CMTM4: variants seen among roughly 807,000 people sequenced by gnomAD.
CMTM4 encodes CKLF-like MARVEL transmembrane domain-containing protein 4.
A neutral mutation model predicts 19.0 loss-of-function variants in CMTM4; 8 were observed. The ratio of observed to expected loss-of-function variants is 0.42; its 90% CI spans 0.25 to 0.76. The LOEUF (loss-of-function observed/expected upper bound fraction) is 0.76. Among genes scored for constraint, CMTM4 ranks in the 30% least tolerant of loss-of-function variants. CMTM4 has a pLI of 0.27. For synonymous variants in CMTM4, 106 were observed against 121.1 expected, an observed-to-expected ratio of 0.88 and a Z score of 0.82; for missense variants, 228 against 290.2, an observed-to-expected ratio of 0.79 and a Z score of 1.56.
intron 1 of CMTM4, among the ~76,000 whole-genome samples, chr16:66,674,449 G>C (rs2016768525): frequency 6.6e-6 from 1 of 152,130 alleles, no homozygotes; most frequent in South Asian, 2.1e-4. Flanking sequence ...CACCCAGACA[G>C]GGACAACTAC....
the CMTM4 span, chr16:66,609,244 T>G: frequency 1.7e-6 from 1 of 599,298 alleles, no homozygotes; most frequent in Admixed American, 2.9e-5. The surrounding 1 kb of genome is among the most constrained non-coding windows in gnomAD (Gnocchi z 4.4). Context: ...TAGGGCAGTG[T>G]CAGCTGCTGG....
Position 66,619,657 on chromosome 16 carries a change from T to G in CMTM4, c.*2401A>C, listed in dbSNP as rs2015592774. On this transcript the variant is annotated 3_prime_UTR_variant, in exon 4 of 4. Transcript: ENST00000394106. ...TGGATAACCCTATTCCCTCCAGAAC[T>G]TTCGTCACCACGTGGTCTATACATG... The G allele has an allele frequency of 4.1e-6, 4 of 985,322 alleles. No homozygotes were observed. The highest frequency in any genetic ancestry group is 1.7e-5 in the African/African-American group (1 of 57,318). The allele number at this position is 985,322 out of a possible 1,614,324, so 61.0% of individuals were successfully genotyped here. A position where few individuals can be genotyped will look rare whatever the true frequency, so the allele number is the denominator to read the frequency against.
At chr16:66,639,940 C>T (rs955480541) in intron 1 of CMTM4, among the ~76,000 whole-genome samples, 48 of 152,154 alleles carry the variant, frequency 3.2e-4, no homozygotes, top group African/African-American at 1.1e-3. Context: ...ATCCCTTGAA[C>T]CTGGGAGGCG....
chr16:66,635,814 G>A lies in CMTM4; in HGVS notation c.363+591C>T, dbSNP rs1194733223. Reference sequence around the variant, plus strand: ...ACAGTAAGGACACAGTCTAGGAAAGGGGGTCTAGGACTGACCAGCCCTGTG... The same window carrying A: ...ACAGTAAGGACACAGTCTAGGAAAGAGGGTCTAGGACTGACCAGCCCTGTG... On this transcript the variant is annotated intron_variant, in intron 2 of 3. Coordinates refer to ENST00000394106, the MANE Select transcript of CMTM4 (RefSeq NM_181521.3). Among the ~76,000 whole-genome samples, 3 of 152,150 alleles carry A rather than the reference G, an allele frequency of 2.0e-5. No individual in the cohort carries two copies. In the East Asian group the frequency reaches 5.8e-4, roughly 29 times the overall value.
rs1181791526 is a variant in CMTM4, at chr16:66,683,163, ATATATATATATACATATG to A, written c.186+13159_186+13176del. Among the ~76,000 whole-genome samples the A allele has an allele frequency of 6.2e-4, 59 of 95,438 alleles. 1 individual carries two copies. Among genetic ancestry groups the A allele is most frequent in the South Asian group, 3.4e-3 (8 of 2,364 alleles). 62.6% of individuals were successfully genotyped at this position (95,438 alleles called of 152,430 possible). On this transcript the variant is annotated intron_variant, in intron 1 of 3. Transcript: ENST00000394106. Reference sequence around the variant, plus strand: ...TATATATATGTATATATATATACGTATATATATATATACATATGTATATATATATACATATATATATAT... The same window carrying A: ...TATATATATGTATATATATATACGTATATATATATATACATATATATATAT...
chr16:66,617,766 C>A lies in CMTM4; in HGVS notation c.*4292G>T, dbSNP rs1384830799. 8.0e-6 allele frequency: 8 copies of A among 1,004,092 alleles called. No homozygotes were observed. In the East Asian group the frequency reaches 7.4e-4, roughly 92 times the overall value. The allele number at this position is 1,004,092 out of a possible 1,614,324, so 62.2% of individuals were successfully genotyped here. The stretch of plus-strand genomic sequence containing the variant: ...CCTGCGTCCTGTCTGAGATGGCAGC[C>A]AAGCCAGCTTCAGAGTCACCTGCTG... On this transcript the variant is annotated 3_prime_UTR_variant, in exon 4 of 4. Transcript: ENST00000394106.
rs1555499102 is a variant in CMTM4, at chr16:66,633,114, T to TAA, written c.363+3290_363+3291insTT. On this transcript the variant is annotated intron_variant, in intron 2 of 3. Transcript: ENST00000394106. ...ATATATATATATAAATATATATATA[T>TAA]ATAAATATATATATATAAATATATA... Among the ~76,000 whole-genome samples the TAA allele has an allele frequency of 1.1e-3, 81 of 76,072 alleles. 5 individuals are homozygous for TAA. The highest frequency in any genetic ancestry group is 2.7e-3 in the African/African-American group (75 of 28,148). 49.9% of individuals were successfully genotyped at this position (76,072 alleles called of 152,430 possible). A position where few individuals can be genotyped will look rare whatever the true frequency, so the allele number is the denominator to read the frequency against.
chr16:66,624,184 C>G (rs1333027604), intron 2 of CMTM4, among the ~76,000 whole-genome samples: 1 of 152,208 alleles, frequency 6.6e-6, no homozygotes, highest in African/African-American at 2.4e-5. Context: ...AATGTACCCC[C>G]TTCCTCCCAG....
intron 1 of CMTM4, among the ~76,000 whole-genome samples, chr16:66,693,371 C>T (rs926753426): frequency 6.6e-6 from 1 of 152,228 alleles, no homozygotes; most frequent in Non-Finnish European, 1.5e-5. Context: ...AGTCCCCCCA[C>T]CTCAGCTTCC....
intron 1 of CMTM4, among the ~76,000 whole-genome samples, chr16:66,670,973 A>G (rs541690963): frequency 1.6e-4 from 24 of 152,292 alleles, no homozygotes; most frequent in Admixed American, 9.8e-4. Flanking sequence ...TGAGGAGAAC[A>G]CCAGTATTTT....
chr16:66,680,158 G>A (rs929079883), intron 1 of CMTM4, among the ~76,000 whole-genome samples: 1 of 152,146 alleles, frequency 6.6e-6, no homozygotes. Flanking sequence ...TTAATGTACT[G>A]TAAACTAAAA....
intron 1 of CMTM4, among the ~76,000 whole-genome samples, chr16:66,657,730 A>G (rs1378368062): frequency 6.6e-6 from 1 of 152,224 alleles, no homozygotes; most frequent in African/African-American, 2.4e-5. Flanking sequence ...GAGTTTGGAG[A>G]AAAAACTCAT....
At position 66,621,920 on chromosome 16, in the gene CMTM4, A is replaced by G; in HGVS notation, c.*138T>C. 1 of 1,443,418 alleles carries G rather than the reference A, an allele frequency of 6.9e-7. No individual in the cohort carries two copies. Among genetic ancestry groups the G allele is most frequent in the Non-Finnish European group, 9.1e-7 (1 of 1,098,932 alleles). 89.4% of individuals were successfully genotyped at this position (1,443,418 alleles called of 1,614,324 possible). A position where few individuals can be genotyped will look rare whatever the true frequency, so the allele number is the denominator to read the frequency against. ...GACCCGCCCACTGGGCCACTCGGGA[A>G]ACCCTTTCCCAAAATGAACTTTTAC... On this transcript the variant is annotated 3_prime_UTR_variant, in exon 4 of 4. Coordinates refer to ENST00000394106, the MANE Select transcript of CMTM4 (RefSeq NM_181521.3).
intron 1 of CMTM4, among the ~76,000 whole-genome samples, chr16:66,688,527 A>AACACAC (rs59727449): frequency 9.4e-5 from 14 of 148,480 alleles, no homozygotes; most frequent in African/African-American, 2.5e-4. Context: ...CACTCCCCTC[A>AACACAC]ACACACACAC....
the CMTM4 span, among the ~76,000 whole-genome samples, chr16:66,599,217 G>C: frequency 1.3e-5 from 2 of 152,200 alleles, no homozygotes; most frequent in African/African-American, 4.8e-5. Context: ...TTGAACACAG[G>C]AGGCAGAGGT....
chr16:66,685,644 CTTTT>C (rs1455592659), intron 1 of CMTM4, among the ~76,000 whole-genome samples: 1 of 152,120 alleles, frequency 6.6e-6, no homozygotes, highest in Admixed American at 6.6e-5. Context: ...TTACTGATTT[CTTTT>C]TTGTTTGTTT....
downstream of CMTM4, among the ~76,000 whole-genome samples, chr16:66,612,377 GACAAAAAACAACA>G (rs1373906315): frequency 6.6e-6 from 1 of 151,730 alleles, no homozygotes; most frequent in Non-Finnish European, 1.5e-5. The surrounding 1 kb of genome is among the most constrained non-coding windows in gnomAD (Gnocchi z 6.0). Context: ...CTGTCTCAAA[GACAAAAAACAACA>G]ACAAAAAAAA....
chr16:66,658,033 C>A (rs1445658057), intron 1 of CMTM4, among the ~76,000 whole-genome samples: 1 of 152,092 alleles, frequency 6.6e-6, no homozygotes, highest in African/African-American at 2.4e-5. Context: ...CCAGCCTAGG[C>A]AACATACTAA....
intron 1 of CMTM4, among the ~76,000 whole-genome samples, chr16:66,660,506 A>C (rs2016482193): frequency 6.6e-6 from 1 of 152,212 alleles, no homozygotes; most frequent in Non-Finnish European, 1.5e-5. Context: ...AGCATAGAAC[A>C]GTCATGTTAC....
Sources: allele counts gnomAD v4.1 joint callset (sites outside exome capture counted in the v4.1 genomes callset), GRCh38; gene constraint gnomAD v4.1.1; non-coding constraint Gnocchi (gnomAD v3.1); transcripts MANE v1.5; gene names NCBI Gene and HGNC (gene_info 2026-07-23, HGNC 2026-07-21).